RBM47: variants seen among roughly 807,000 people sequenced by gnomAD.
RBM47 encodes the protein RNA-binding protein 47.
Under a neutral mutation model 47.1 loss-of-function variants are expected in RBM47, and 21 were observed. The ratio of observed to expected loss-of-function variants is 0.45; its 90% CI spans 0.32 to 0.64. The LOEUF (loss-of-function observed/expected upper bound fraction) is 0.64. Among genes scored for constraint, RBM47 ranks in the 30% least tolerant of loss-of-function variants. RBM47 has a pLI of 0.05. For missense variants in RBM47, 708 were observed against 870.9 expected, an observed-to-expected ratio of 0.81 and a Z score of 2.35; for synonymous variants, 375 against 361.7, an observed-to-expected ratio of 1.04 and a Z score of -0.42.
chr4:40,591,649 A>G lies in RBM47; in HGVS notation c.-240+37747T>C, dbSNP rs537489133. On this transcript the variant is annotated intron_variant, in intron 1 of 6. Coordinates refer to ENST00000295971, the MANE Select transcript of RBM47 (RefSeq NM_001098634.2). ...GCAGAGGTTGCAGTGAGCTGAGATC[A>G]CACCATTGCACTCCAGCCTGGGCAA... Among the ~76,000 whole-genome samples, 10 of 152,268 alleles carry G rather than the reference A, an allele frequency of 6.6e-5. No individual in the cohort carries two copies. In the East Asian group the frequency reaches 1.9e-3, roughly 29 times the overall value.
intron 2 of RBM47, among the ~76,000 whole-genome samples, chr4:40,474,462 G>A (rs980901903): frequency 1.3e-5 from 2 of 152,102 alleles, no homozygotes; most frequent in South Asian, 2.1e-4. Context: ...TCTAATACAA[G>A]TATACAATTT....
chr4:40,456,107 A>T (rs1166386056), intron 3 of RBM47, among the ~76,000 whole-genome samples: 1 of 152,180 alleles, frequency 6.6e-6, no homozygotes, highest in Non-Finnish European at 1.5e-5. Flanking sequence ...ATATTTTCTA[A>T]TTATGTAAGT....
intron 2 of RBM47, among the ~76,000 whole-genome samples, chr4:40,527,369 C>A (rs1334478545): frequency 1.3e-5 from 2 of 150,454 alleles, no homozygotes; most frequent in African/African-American, 4.9e-5. Flanking sequence ...TCACTGCAAC[C>A]TCTGCCTCCC....
rs546519094 is a variant in RBM47 at position 40,569,267 on chromosome 4, C to T, written c.-239-24761G>A. Among the ~76,000 whole-genome samples the T allele has an allele frequency of 2.4e-4, 36 of 151,980 alleles. No individual in the cohort carries two copies. In the South Asian group the frequency reaches 5.2e-3, roughly 22 times the overall value. On this transcript the variant is annotated intron_variant, in intron 1 of 6. Coordinates refer to ENST00000295971, the MANE Select transcript of RBM47 (RefSeq NM_001098634.2). Reference sequence around the variant, plus strand: ...TTATTAGACAGCCTATAAACAACTACGCTTATTATACAAAATGGAGTTTTC... The same window carrying T: ...TTATTAGACAGCCTATAAACAACTATGCTTATTATACAAAATGGAGTTTTC...
At position 40,492,521 on chromosome 4, in the gene RBM47, C is replaced by T. The variant is rs576838751; in HGVS notation, c.-154-25822G>A. ...TGTTCCGATCATTGTTTCCAAGGAA[C>T]AAAGCTCAGGCATGCACCTGTGGAT... On this transcript the variant is annotated intron_variant, in intron 2 of 6. Coordinates refer to ENST00000295971, the MANE Select transcript of RBM47 (RefSeq NM_001098634.2). 5.9e-5 allele frequency among the ~76,000 whole-genome samples: 9 copies of T among 152,276 alleles called. 1 individual carries two copies. The South Asian group carries it at 1.9e-3, about 32-fold the overall frequency.
At chr4:40,505,494 TA>T (rs560606253) in intron 2 of RBM47, among the ~76,000 whole-genome samples, 1,702 of 132,230 alleles carry the variant, frequency 0.013, 23 homozygotes, top group African/African-American at 0.04. Flanking sequence ...AAAAAAAGTG[TA>T]AAAAAAAAAA....
Position 40,528,985 on chromosome 4 carries a change from T to TA in RBM47, c.-155+15436dup, listed in dbSNP as rs1577891318. 4.0e-5 allele frequency among the ~76,000 whole-genome samples: 6 copies of TA among 150,644 alleles called. No individual in the cohort carries two copies. The East Asian group carries it at 5.9e-4, about 15-fold the overall frequency. ...ATAAATAAATAAATAAATAAATAAA[T>TA]AATAAAGAAAGAAATAATAAAACAG... is the stretch of plus-strand genomic sequence containing the variant. On this transcript the variant is annotated intron_variant, in intron 2 of 6. Coordinates refer to ENST00000295971, the MANE Select transcript of RBM47 (RefSeq NM_001098634.2).
intron 1 of RBM47, among the ~76,000 whole-genome samples, chr4:40,615,082 C>A (rs189627350): frequency 2.6e-4 from 39 of 152,078 alleles, no homozygotes; most frequent in African/African-American, 9.2e-4. Context: ...GGTATGATCA[C>A]ACCACTGAAC....
chr4:40,460,888 CA>C (rs35536750), intron 3 of RBM47, among the ~76,000 whole-genome samples: 3,206 of 92,814 alleles, frequency 0.035, 33 homozygotes, highest in African/African-American at 0.1. Context: ...GACTCTGTCT[CA>C]AAAAAAAAAA....
At chr4:40,450,995 G>T (rs1326948889) in intron 3 of RBM47, among the ~76,000 whole-genome samples, 1 of 152,098 alleles carries the variant, frequency 6.6e-6, no homozygotes, top group Non-Finnish European at 1.5e-5. Flanking sequence ...AGAAGAAGTT[G>T]TTATTTTCTA....
intron 1 of RBM47, among the ~76,000 whole-genome samples, chr4:40,578,309 A>G (rs539524411): frequency 2.6e-5 from 4 of 152,328 alleles, no homozygotes; most frequent in Middle Eastern, 6.8e-3. Flanking sequence ...AACAATTAAT[A>G]TACTTTAAGT....
At chr4:40,432,965 C>CT in intron 5 of RBM47, 103 bp from the exon 6 acceptor site, 1 of 1,457,934 alleles carries the variant, frequency 6.9e-7, no homozygotes, top group Non-Finnish European at 9.0e-7. Flanking sequence ...TTTTTAAAAA[C>CT]TTTTCTTTTT....
intron 1 of RBM47, among the ~76,000 whole-genome samples, chr4:40,609,560 G>A (rs987464478): frequency 1.4e-5 from 2 of 145,750 alleles, no homozygotes; most frequent in Non-Finnish European, 3.0e-5. Context: ...TGATCTGCCC[G>A]ACTCAGCCTC....
At chr4:40,438,950 TG>T in intron 3 of RBM47, 26 bp from the exon 4 acceptor site, 2 of 1,466,220 alleles carry the variant, frequency 1.4e-6, no homozygotes, top group Non-Finnish European at 1.8e-6. Context: ...GAAGCGTGAG[TG>T]GGGAACCGCT....
chr4:40,452,543 G>T (rs917665753), intron 3 of RBM47, among the ~76,000 whole-genome samples: 1 of 152,034 alleles, frequency 6.6e-6, no homozygotes, highest in Non-Finnish European at 1.5e-5. Context: ...TGTTTATAAG[G>T]GGACAAGAGA....
At chr4:40,615,412 CA>C (rs1426900378) in intron 1 of RBM47, among the ~76,000 whole-genome samples, 1 of 152,204 alleles carries the variant, frequency 6.6e-6, no homozygotes, top group Non-Finnish European at 1.5e-5. Flanking sequence ...CACTGCACTA[CA>C]GCCTGGATGA....
chr4:40,557,790 A>G (rs1409576306), intron 1 of RBM47, among the ~76,000 whole-genome samples: 1 of 152,136 alleles, frequency 6.6e-6, no homozygotes, highest in East Asian at 1.9e-4. Flanking sequence ...ATGAGTATAG[A>G]ATTTTACAAT....
intron 2 of RBM47, among the ~76,000 whole-genome samples, chr4:40,498,054 T>TTTTATATATATATATATATATATA (rs1553890649): frequency 9.1e-6 from 1 of 109,870 alleles, no homozygotes; most frequent in Admixed American, 9.0e-5. Flanking sequence ...AGTGCTTGTT[T>TTTTATATATATATATATATATATA]TATATATATA....
At chr4:40,574,541 A>G (rs1732108821) in intron 1 of RBM47, among the ~76,000 whole-genome samples, 1 of 152,252 alleles carries the variant, frequency 6.6e-6, no homozygotes, top group African/African-American at 2.4e-5. Flanking sequence ...TGAAAAAGTC[A>G]AGGAAGCTAT....
Sources: allele counts gnomAD v4.1 joint callset (sites outside exome capture counted in the v4.1 genomes callset), GRCh38; gene constraint gnomAD v4.1.1; transcripts MANE v1.5; gene names NCBI Gene and HGNC (gene_info 2026-07-23, HGNC 2026-07-21).